Variants in CHODL observed in about 807,000 individuals in gnomAD.
CHODL encodes the protein chondrolectin.
Under a neutral mutation model 34.5 loss-of-function variants are expected in CHODL, and 29 were observed. The observed-to-expected ratio is 0.84, with a 90% CI of 0.63 to 1.15. The LOEUF (loss-of-function observed/expected upper bound fraction) is 1.15. Ranked by LOEUF, CHODL falls within the 50% of genes most tolerant of loss-of-function variation. CHODL has a pLI of 0.00. For synonymous variants in CHODL, 125 were observed against 116.1 expected (o/e 1.08, Z -0.49); for missense variants, 332 against 332.5 (o/e 1.00, Z 0.01).
chr21:18,225,291 C>CA (rs1179994760), intron 2 of CHODL, among the ~76,000 whole-genome samples: 1 of 152,014 alleles, frequency 6.6e-6, no homozygotes. Flanking sequence ...TAACCATTCT[C>CA]AAAAAATAGC....
chr21:18,161,081 G>A (rs987981556), intron 2 of CHODL, among the ~76,000 whole-genome samples: 1 of 152,058 alleles, frequency 6.6e-6, no homozygotes, highest in Admixed American at 6.6e-5. Flanking sequence ...CTTAAGTGAT[G>A]TTGAGCTTTT....
chr21:18,200,530 C>A (rs2073639687), intron 2 of CHODL, among the ~76,000 whole-genome samples: 1 of 152,088 alleles, frequency 6.6e-6, no homozygotes, highest in South Asian at 2.1e-4. Flanking sequence ...ACAAAGATAA[C>A]TGGTTTTCCT....
chr21:18,224,866 G>A (rs2073916901), intron 2 of CHODL, among the ~76,000 whole-genome samples: 1 of 151,794 alleles, frequency 6.6e-6, no homozygotes, highest in Non-Finnish European at 1.5e-5. Flanking sequence ...TCTGTTTTCA[G>A]TCAGTATAAT....
At chr21:18,101,631 T>C (rs973892578) in intron 2 of CHODL, among the ~76,000 whole-genome samples, 2 of 151,930 alleles carry the variant, frequency 1.3e-5, no homozygotes, top group African/African-American at 4.8e-5. Flanking sequence ...TAATTGAAAA[T>C]ATGACAATAC....
chr21:18,191,443 T>C (rs958943146), intron 2 of CHODL, among the ~76,000 whole-genome samples: 2 of 152,220 alleles, frequency 1.3e-5, no homozygotes, highest in East Asian at 3.8e-4. Context: ...GAAAATGTTT[T>C]GACCTCAAGT....
chr21:18,043,393 T>C (rs956059789), intron 2 of CHODL, among the ~76,000 whole-genome samples: 3 of 152,012 alleles, frequency 2.0e-5, no homozygotes, highest in African/African-American at 7.2e-5. Context: ...ATATATGCAG[T>C]ATGTGAATCT....
chr21:18,138,854 C>G (rs570134093), intron 2 of CHODL, among the ~76,000 whole-genome samples: 17 of 152,162 alleles, frequency 1.1e-4, no homozygotes, highest in African/African-American at 4.1e-4. Context: ...ATGAAATGCT[C>G]TCAGCCAAGA....
chr21:18,258,539 T>C (rs1278696942), intron 3 of CHODL, among the ~76,000 whole-genome samples: 1 of 152,110 alleles, frequency 6.6e-6, no homozygotes, highest in East Asian at 1.9e-4. Context: ...AATCTTACAA[T>C]CTTCTTTACT....
intron 2 of CHODL, among the ~76,000 whole-genome samples, chr21:18,208,843 TTC>T (rs969554596): frequency 2.0e-5 from 3 of 151,472 alleles, no homozygotes; most frequent in African/African-American, 7.3e-5. Flanking sequence ...AACAGAGTCA[TTC>T]TCTCTCTTTC....
At chr21:18,056,561 T>C (rs2064583972) in intron 2 of CHODL, among the ~76,000 whole-genome samples, 1 of 151,808 alleles carries the variant, frequency 6.6e-6, no homozygotes, top group Non-Finnish European at 1.5e-5. Context: ...AAATATTGCT[T>C]CAGCTATATC....
chr21:18,197,026 G>C (rs1370972502), intron 2 of CHODL, among the ~76,000 whole-genome samples: 2 of 152,070 alleles, frequency 1.3e-5, no homozygotes, highest in Non-Finnish European at 2.9e-5. Context: ...ACAATGTGAG[G>C]TAATTAATAT....
intron 2 of CHODL, among the ~76,000 whole-genome samples, chr21:18,149,820 C>T (rs565147894): frequency 2.6e-5 from 4 of 152,224 alleles, no homozygotes; most frequent in East Asian, 1.9e-4. Flanking sequence ...AGCAAACTAC[C>T]GTAGACTGGA....
At chr21:18,093,702 TGTA>T (rs1366385939) in intron 2 of CHODL, among the ~76,000 whole-genome samples, 2 of 152,102 alleles carry the variant, frequency 1.3e-5, no homozygotes, top group African/African-American at 2.4e-5. Context: ...TTGGAAGTCT[TGTA>T]GTAACATCAA....
At chr21:17,923,034 A>C (rs139468042) in intron 1 of CHODL, among the ~76,000 whole-genome samples, 92 of 152,240 alleles carry the variant, frequency 6.0e-4, no homozygotes, top group African/African-American at 1.8e-3. Context: ...TAGGTAGATA[A>C]GAAACAAATG....
rs759048923 is a variant in CHODL, at chr21:18,034,057, C to T, written c.-45+6086C>T. On this transcript the variant is annotated intron_variant, in intron 2 of 6. Transcript: ENST00000400127. ...ATTGAGAACCCTATGAGTGGCCCAT[C>T]CAAACAATGACTTGGCAAGCTTGCC... Among the ~76,000 whole-genome samples, 69 of 151,974 alleles carry T rather than the reference C, an allele frequency of 4.5e-4. 1 individual carries two copies. The highest frequency in any genetic ancestry group is 3.3e-4 in the Admixed American group (5 of 15,248).
chr21:18,264,225 G>A (rs2074418728), intron 5 of CHODL, among the ~76,000 whole-genome samples: 1 of 152,096 alleles, frequency 6.6e-6, no homozygotes, highest in East Asian at 1.9e-4. Flanking sequence ...GGCAGATGCT[G>A]GGAACTGGGG....
chr21:18,112,683 A>G (rs1335392771), intron 2 of CHODL, among the ~76,000 whole-genome samples: 2 of 152,212 alleles, frequency 1.3e-5, no homozygotes, highest in Non-Finnish European at 2.9e-5. Context: ...TGTCTTTGAT[A>G]AATGGTGCTG....
rs1240438050 is a variant in CHODL, at chr21:18,266,207, T to TAA, written c.*171_*172dup. ...ATTTTTATATGTCTATTATTTCATT[T>TAA]AAAGAATATGCTGTGCTAATAATGG... is the stretch of plus-strand genomic sequence containing the variant. On this transcript the variant is annotated 3_prime_UTR_variant, in exon 6 of 6. Transcript: ENST00000299295. 6 of 1,536,326 alleles carry TAA rather than the reference T, an allele frequency of 3.9e-6. No individual in the cohort carries two copies. Among genetic ancestry groups the TAA allele is most frequent in the Non-Finnish European group, 5.3e-6 (6 of 1,140,324 alleles).
intron 1 of CHODL, among the ~76,000 whole-genome samples, chr21:18,019,621 T>TA (rs931885406): frequency 3.3e-5 from 5 of 152,008 alleles, no homozygotes; most frequent in Non-Finnish European, 4.4e-5. Context: ...TCCACAAATT[T>TA]AAAAAAAACT....
Sources: allele counts gnomAD v4.1 joint callset (sites outside exome capture counted in the v4.1 genomes callset), GRCh38; gene constraint gnomAD v4.1.1; transcripts MANE v1.5; gene names NCBI Gene and HGNC (gene_info 2026-07-23, HGNC 2026-07-21).